Variants in PAPLN observed in about 807,000 individuals in gnomAD.
The protein encoded by PAPLN is papilin.
Under a neutral mutation model 159.0 loss-of-function variants are expected in PAPLN, and 146 were observed. The ratio of observed to expected loss-of-function variants is 0.92; its 90% CI spans 0.80 to 1.05. The LOEUF (loss-of-function observed/expected upper bound fraction) is 1.05, where lower values mean the gene tolerates loss of function less well. PAPLN is among the 50% of genes least tolerant of loss of function. The pLI, the probability that PAPLN is intolerant of heterozygous loss-of-function variation, is 0.00. For synonymous variants in PAPLN, 734 were observed against 702.9 expected, an observed-to-expected ratio of 1.04 and a Z score of -0.70; for missense variants, 1,720 against 1,743.9, an observed-to-expected ratio of 0.99 and a Z score of 0.24.
chr14:73,259,387 T>G lies in PAPLN; in HGVS notation c.1827T>G (p.Ala609=). ...QGTHLSALGP[A]PSLQQPPYQQ... ...CCCACCTGTCAGCCCTGGGCCCCGC[T>G]CCCTCTCTGCAGCAGCCCCCATACC... The change falls in exon 16 of 27, where the codon GCT becomes GCG. Residue 609 remains alanine, a synonymous_variant. Coordinates refer to ENST00000644200, the MANE Select transcript of PAPLN (RefSeq NM_001365906.3). 1 of 1,612,096 alleles carries G rather than the reference T, an allele frequency of 6.2e-7. No individual in the cohort carries two copies. Among genetic ancestry groups the G allele is most frequent in the Non-Finnish European group, 8.5e-7 (1 of 1,179,282 alleles).
In PAPLN at chr14:73,266,706, CT is replaced by C; in HGVS notation, c.3392-15del. ...GGATCTTCATAGTGGCTGACAATGA[CT>C]TGTCCTTGTGCCCAGGGGAGCTGAC... On this transcript the variant is annotated splice_polypyrimidine_tract_variant and intron_variant, in intron 24 of 26. Coordinates refer to ENST00000644200, the MANE Select transcript of PAPLN (RefSeq NM_001365906.3). The C allele has an allele frequency of 6.2e-7, 1 of 1,614,146 alleles. No homozygotes were observed.
chr14:73,250,189 C>G (rs1050304492), intron 6 of PAPLN, 75 bp downstream of exon 6: 2 of 1,459,526 alleles, frequency 1.4e-6, no homozygotes, highest in African/African-American at 1.4e-5. Flanking sequence ...TGTCCATCAC[C>G]CATAGGCCCA....
At chr14:73,258,063 C>T (rs1401224882) in intron 14 of PAPLN, among the ~76,000 whole-genome samples, 1 of 152,144 alleles carries the variant, frequency 6.6e-6, no homozygotes, top group Non-Finnish European at 1.5e-5. Context: ...GTGCTTCGCT[C>T]ATTATCTAGT....
chr14:73,252,273 C>G, intron 10 of PAPLN, 132 bp downstream of exon 10: 2 of 1,355,444 alleles, frequency 1.5e-6, no homozygotes, highest in Non-Finnish European at 1.9e-6. Flanking sequence ...CGAGAAATCT[C>G]TGTGTTATGG....
In PAPLN at chr14:73,272,768, C is replaced by A. The variant is rs925698295; in HGVS notation, c.*104C>A. 7.8e-7 allele frequency: 1 copy of A among 1,276,236 alleles called. No homozygotes were observed. Among genetic ancestry groups the A allele is most frequent in the Admixed American group, 2.7e-5 (1 of 36,822 alleles). 79.1% of individuals were successfully genotyped at this position (1,276,236 alleles called of 1,614,324 possible). On this transcript the variant is annotated 3_prime_UTR_variant, in exon 27 of 27. Coordinates refer to ENST00000644200, the MANE Select transcript of PAPLN (RefSeq NM_001365906.3). ...CTCTCTGGCTGGCAAAGGGAGTTAT[C>A]TTCTGGAATACATTAGCTCTTTCAA...
At chr14:73,241,834 A>G (rs1056885259) in intron 2 of PAPLN, among the ~76,000 whole-genome samples, 12 of 152,272 alleles carry the variant, frequency 7.9e-5, no homozygotes. Flanking sequence ...TCCCGTCTGC[A>G]CACGGGTGTG....
intron 22 of PAPLN, 33 bp downstream of exon 22, chr14:73,264,759 C>T: frequency 1.2e-6 from 2 of 1,610,572 alleles, no homozygotes; most frequent in Non-Finnish European, 1.7e-6. Context: ...TTGCCCTCCC[C>T]CACGCCAGGG....
chr14:73,255,233 G>A (rs1268390870), intron 14 of PAPLN, among the ~76,000 whole-genome samples: 3 of 152,156 alleles, frequency 2.0e-5, no homozygotes, highest in African/African-American at 7.2e-5. Context: ...TCCACTCAGC[G>A]GTAGCATGCC....
chr14:73,270,091 C>T (rs916951060), intron 26 of PAPLN, among the ~76,000 whole-genome samples: 1 of 152,206 alleles, frequency 6.6e-6, no homozygotes, highest in Non-Finnish European at 1.5e-5. Flanking sequence ...ACCTGTTGCT[C>T]GGCGAGCGGG....
intron 6 of PAPLN, 95 bp downstream of exon 6, chr14:73,250,209 C>T: frequency 7.1e-7 from 1 of 1,417,606 alleles, no homozygotes; most frequent in Non-Finnish European, 9.2e-7. Context: ...AGGTAGCTGC[C>T]ATGAGCTTGG....
At chr14:73,236,248 G>T (rs1883029296), upstream of PAPLN, among the ~76,000 whole-genome samples, 1 of 152,276 alleles carries the variant, frequency 6.6e-6, no homozygotes, top group African/African-American at 2.4e-5. Context: ...CATGCGTTGA[G>T]CCCCTGCCTT....
At position 73,265,056 on chromosome 14, in the gene PAPLN, C is replaced by T. The variant is rs549570739; in HGVS notation, c.3126-314C>T. ...AGTTTACAGAGGGGGTGTGGAGGAC[C>T]GGAGGGGGTGCCCAACTCAAAGACC... On this transcript the variant is annotated intron_variant, in intron 22 of 26. Coordinates refer to ENST00000644200, the MANE Select transcript of PAPLN (RefSeq NM_001365906.3). This position sits in a 1 kb window ranked among gnomAD's most constrained non-coding sequence, Gnocchi z 4.1. Among the ~76,000 whole-genome samples the T allele has an allele frequency of 4.7e-5, 7 of 149,424 alleles. No individual in the cohort carries two copies. The highest frequency in any genetic ancestry group is 1.5e-4 in the African/African-American group (6 of 40,166).
Position 73,239,819 on chromosome 14 carries a change from C to A in PAPLN, c.41C>A (p.Ala14Glu), listed in dbSNP as rs1437566153. The A allele has an allele frequency of 6.3e-7, 1 of 1,591,964 alleles. No individual in the cohort carries two copies. The highest frequency in any genetic ancestry group is 8.5e-7 in the Non-Finnish European group (1 of 1,175,026). The change falls in exon 2 of 27, where the codon GCG becomes GAG. Residue 14 changes from alanine to glutamate, a missense_variant. By Grantham distance (107) the Ala-to-Glu change is moderately radical. Coordinates refer to ENST00000644200, the MANE Select transcript of PAPLN (RefSeq NM_001365906.3). ...CTCGTGCCGCTGCTGCTGGCTCCAG[C>A]GCCCGGGTCCTCGGTGAGTGCGGTC... ...LLLVPLLLAP[A>E]PGSSAPKVRR...
rs770144136 is a variant in PAPLN, at chr14:73,260,814, G to A, written c.2091G>A (p.Arg697=). The change falls in exon 17 of 27, where the codon AGG becomes AGA. Residue 697 remains arginine, a synonymous_variant. Coordinates refer to ENST00000644200, the MANE Select transcript of PAPLN (RefSeq NM_001365906.3). Reference sequence around the variant, plus strand: ...GCACCGGGGGCATGCCCAGGTCAAGGGCAGTGGCTTCTACAGTAAGTGTCT... The same window carrying A: ...GCACCGGGGGCATGCCCAGGTCAAGAGCAGTGGCTTCTACAGTAAGTGTCT... ...GDSTGGMPRS[R]AVASTVHNTH... is the part of the protein sequence containing the mutation. 2.4e-5 allele frequency: 36 copies of A among 1,496,702 alleles called. No homozygotes were observed. The highest frequency in any genetic ancestry group is 3.0e-5 in the Non-Finnish European group (34 of 1,125,850). 92.7% of individuals were successfully genotyped at this position (1,496,702 alleles called of 1,614,324 possible). A position where few individuals can be genotyped will look rare whatever the true frequency, so the allele number is the denominator to read the frequency against.
intron 26 of PAPLN, among the ~76,000 whole-genome samples, chr14:73,270,999 C>T (rs1199518337): frequency 6.6e-6 from 1 of 152,170 alleles, no homozygotes; most frequent in Non-Finnish European, 1.5e-5. Context: ...GAGGACTTCT[C>T]AACATCGCTG....
At position 73,266,727 on chromosome 14, in the gene PAPLN, G is replaced by A. The variant is rs749984731; in HGVS notation, c.3396G>A (p.Glu1132=). ...QRWVQLRVLG[E]LTISGLPPTV... The stretch of plus-strand genomic sequence containing the variant: ...ATGACTTGTCCTTGTGCCCAGGGGA[G>A]CTGACAATCTCAGGACTGCCCCCTA... The change falls in exon 25 of 27, where the codon GAG becomes GAA. Residue 1132 remains glutamate (E), a synonymous_variant. Transcript: ENST00000644200. 6 of 1,614,042 alleles carry A rather than the reference G, an allele frequency of 3.7e-6. No homozygotes were observed. The highest frequency in any genetic ancestry group is 2.7e-5 in the African/African-American group (2 of 74,926).
At position 73,244,707 on chromosome 14, in the gene PAPLN, C is replaced by T. The variant is rs776524376; in HGVS notation, c.118C>T (p.Arg40Trp). The stretch of plus-strand genomic sequence containing the variant: ...CTGGAGCCAGTGGAGCCCCTGCAGC[C>T]GGACCTGTGGAGGGGGTGTCAGCTT... ...GPWSQWSPCS[R>W]TCGGGVSFRE... The change falls in exon 3 of 27, where the codon CGG becomes TGG. Residue 40 changes from arginine (R) to tryptophan (W), a missense_variant. Transcript: ENST00000644200. The T allele has an allele frequency of 1.2e-5, 19 of 1,598,942 alleles. No homozygotes were observed. The highest frequency in any genetic ancestry group is 4.5e-5 in the South Asian group (4 of 88,156).
chr14:73,254,658 T>C lies in PAPLN; in HGVS notation c.1448T>C (p.Leu483Pro). The C allele has an allele frequency of 6.2e-7, 1 of 1,613,962 alleles. No homozygotes were observed. Among genetic ancestry groups the C allele is most frequent in the African/African-American group, 1.3e-5 (1 of 75,020 alleles). ...EPCVHEDCPL[L>P]SDQAWHVGTW... ...TGTGTGCATGAGGACTGCCCCCTCC[T>C]CAGTGACCAGGCCTGGCATGTTGGC... The change falls in exon 13 of 27, where the codon CTC (leucine) becomes CCC (proline). Residue 483 changes from leucine (L) to proline (P), a missense_variant. By Grantham distance (98) the Leu-to-Pro change is moderately conservative. Transcript: ENST00000644200.
chr14:73,261,397 T>C lies in PAPLN; in HGVS notation c.2245+103T>C, dbSNP rs1886572136. 5 of 1,440,440 alleles carry C rather than the reference T, an allele frequency of 3.5e-6. No individual in the cohort carries two copies. In the East Asian group the frequency reaches 9.6e-5, roughly 28 times the overall value. 89.2% of individuals were successfully genotyped at this position (1,440,440 alleles called of 1,614,324 possible). A position where few individuals can be genotyped will look rare whatever the true frequency, so the allele number is the denominator to read the frequency against. On this transcript the variant is annotated intron_variant, in intron 18 of 26. Transcript: ENST00000644200. ...AAAGACCTTCCTACCAGCTCAGTTA[T>C]TCATTCATTCCTACCACAAATGTTG...
Sources: allele counts gnomAD v4.1 joint callset (sites outside exome capture counted in the v4.1 genomes callset), GRCh38; gene constraint gnomAD v4.1.1; non-coding constraint Gnocchi (gnomAD v3.1); transcripts MANE v1.5; gene names NCBI Gene and HGNC (gene_info 2026-07-23, HGNC 2026-07-21).